Variants in SQSTM1 observed in about 807,000 individuals in gnomAD.
SQSTM1 encodes sequestosome 1.
In SQSTM1, 36 loss-of-function variants were observed where a neutral mutation model predicts 45.1. The observed-to-expected ratio is 0.80, with a 90% CI of 0.61 to 1.05. The LOEUF (loss-of-function observed/expected upper bound fraction) is 1.05, where lower values mean the gene tolerates loss of function less well. SQSTM1 is among the 50% of genes least tolerant of loss of function. The probability of loss-of-function intolerance (pLI) is 0.00; values close to 1 mark genes in which losing one functional copy is unlikely to be tolerated. For synonymous variants in SQSTM1, 290 were observed against 244.3 expected, an observed-to-expected ratio of 1.19 and a Z score of -1.74; for missense variants, 617 against 607.1, an observed-to-expected ratio of 1.02 and a Z score of -0.17.
rs926546897 is a variant in SQSTM1 at position 179,836,803 on chromosome 5, G to A, written c.*210G>A. 2.4e-5 allele frequency: 19 copies of A among 779,340 alleles called. No individual in the cohort carries two copies. Among genetic ancestry groups the A allele is most frequent in the Admixed American group, 1.5e-4 (7 of 46,632 alleles). 48.3% of individuals were successfully genotyped at this position (779,340 alleles called of 1,614,324 possible). On this transcript the variant is annotated 3_prime_UTR_variant, in exon 8 of 8. Transcript: ENST00000389805. ...TGTGCTGATGTTTCCTGGGTGCCCT[G>A]GCTCCTTGCAGCAGGGCTGGGCCTG...
At chr5:179,827,261 C>T (rs990949547) in intron 5 of SQSTM1, among the ~76,000 whole-genome samples, 6 of 152,184 alleles carry the variant, frequency 3.9e-5, no homozygotes, top group African/African-American at 7.2e-5. Flanking sequence ...CTGAACTGGA[C>T]GCCCCACTTG....
intron 1 of SQSTM1, among the ~76,000 whole-genome samples, chr5:179,811,051 G>A (rs1757379767): frequency 6.6e-6 from 1 of 152,136 alleles, no homozygotes; most frequent in Non-Finnish European, 1.5e-5. Context: ...GACCATCTTA[G>A]CTAACACGGT....
rs773735627 is a variant in SQSTM1, at chr5:179,824,392, G to A, written c.673+69G>A. The A allele has an allele frequency of 9.3e-6, 15 of 1,609,310 alleles. No homozygotes were observed. The East Asian group carries it at 3.1e-4, about 33-fold the overall frequency. ...CAGGCAGCCTGTGTGCAGGGCCCTT[G>A]TGCAAAGCGTGTGTGCAAGGCAAGA... On this transcript the variant is annotated intron_variant, in intron 4 of 7. Coordinates refer to ENST00000389805, the MANE Select transcript of SQSTM1 (RefSeq NM_003900.5).
chr5:179,832,400 G>A (rs772518254), intron 5 of SQSTM1, among the ~76,000 whole-genome samples: 2 of 152,244 alleles, frequency 1.3e-5, no homozygotes, highest in Non-Finnish European at 2.9e-5. Flanking sequence ...TCCCTGTGGG[G>A]CCAGCGTTGG....
At chr5:179,831,742 C>T (rs1437177905) in intron 5 of SQSTM1, among the ~76,000 whole-genome samples, 1 of 151,760 alleles carries the variant, frequency 6.6e-6, no homozygotes, top group Non-Finnish European at 1.5e-5. Flanking sequence ...GCTACTTGAC[C>T]CAGCAAAGAA....
upstream of SQSTM1, among the ~76,000 whole-genome samples, chr5:179,815,408 C>G (rs1009528885): frequency 1.3e-5 from 2 of 151,772 alleles, no homozygotes; most frequent in Non-Finnish European, 2.9e-5. Flanking sequence ...CAGAGCAAGA[C>G]TCTGTCTCGA....
Position 179,824,170 on chromosome 5 carries a change from T to C in SQSTM1, c.532-12T>C. 6.2e-7 allele frequency: 1 copy of C among 1,613,726 alleles called. No individual in the cohort carries two copies. Among genetic ancestry groups the C allele is most frequent in the African/African-American group, 1.3e-5 (1 of 75,062 alleles). On this transcript the variant is annotated splice_polypyrimidine_tract_variant and intron_variant, in intron 3 of 7. Coordinates refer to ENST00000389805, the MANE Select transcript of SQSTM1 (RefSeq NM_003900.5). ...CGCTCACTGCCTGCCGCTCTGCTAATTCCTCCCCCAGGGCTTCTCGCACAG... is the reference window on the plus strand; with the variant it reads ...CGCTCACTGCCTGCCGCTCTGCTAACTCCTCCCCCAGGGCTTCTCGCACAG...
At chr5:179,826,229 A>G (rs1184548586) in intron 5 of SQSTM1, among the ~76,000 whole-genome samples, 1 of 150,344 alleles carries the variant, frequency 6.7e-6, no homozygotes, top group Non-Finnish European at 1.5e-5. Flanking sequence ...CAGTGGTGCC[A>G]TCTCTGCTCA....
chr5:179,820,808 TGGCGGG>T, upstream of SQSTM1: 1 of 899,098 alleles, frequency 1.1e-6, no homozygotes, highest in Non-Finnish European at 1.5e-6. Context: ...GCGACGACGG[TGGCGGG>T]GGCGGGGAGG....
chr5:179,824,964 G>A (rs1036754986), intron 4 of SQSTM1, among the ~76,000 whole-genome samples, 182 bp from the exon 5 acceptor site: 11 of 152,066 alleles, frequency 7.2e-5, no homozygotes, highest in African/African-American at 2.2e-4. Flanking sequence ...GATGCTCTCT[G>A]TGCAGGGCCA....
intron 2 of SQSTM1, among the ~76,000 whole-genome samples, 161 bp downstream of exon 2, chr5:179,823,214 C>G (rs41285565): frequency 6.6e-6 from 1 of 151,844 alleles, no homozygotes; most frequent in Non-Finnish European, 1.5e-5. Flanking sequence ...GCCTGTAATT[C>G]CAGCACTTTG....
In SQSTM1 at chr5:179,837,337, G is replaced by A; in HGVS notation, c.*744G>A. 1.9e-6 allele frequency: 3 copies of A among 1,586,026 alleles called. No homozygotes were observed. Among genetic ancestry groups the A allele is most frequent in the Non-Finnish European group, 2.6e-6 (3 of 1,165,978 alleles). ...GAGTATCTTTAAAAGTGCCTTAGGG[G>A]AACCCTGTCCCTCCTAACAAGTGTA... On this transcript the variant is annotated 3_prime_UTR_variant, in exon 8 of 8. Coordinates refer to ENST00000389805, the MANE Select transcript of SQSTM1 (RefSeq NM_003900.5).
In SQSTM1 at chr5:179,806,542, G is replaced by A. The variant is rs538699566; in HGVS notation, c.-206G>A. On this transcript the variant is annotated 5_prime_UTR_variant, in exon 1 of 6. Transcript: ENST00000514093. This position sits in a 1 kb window ranked among gnomAD's most constrained non-coding sequence, Gnocchi z 4.6. ...ACAGCGAGAGGAAGGCGCACAGGCA[G>A]AAGAGCAGCAGCGTCAGGAAGGTGC... 1.2e-5 allele frequency: 16 copies of A among 1,334,690 alleles called. No individual in the cohort carries two copies. The highest frequency in any genetic ancestry group is 6.2e-5 in the African/African-American group (4 of 64,354). The allele number at this position is 1,334,690 out of a possible 1,614,324, so 82.7% of individuals were successfully genotyped here. A position where few individuals can be genotyped will look rare whatever the true frequency, so the allele number is the denominator to read the frequency against.
chr5:179,834,247 G>C (rs1050369984), intron 7 of SQSTM1, among the ~76,000 whole-genome samples: 1 of 108,010 alleles, frequency 9.3e-6, no homozygotes, highest in Non-Finnish European at 1.9e-5. Context: ...GGGGGGGTGG[G>C]GGGTGGGGAC....
At chr5:179,826,114 C>T (rs1431575086) in intron 5 of SQSTM1, among the ~76,000 whole-genome samples, 1 of 151,344 alleles carries the variant, frequency 6.6e-6, no homozygotes, top group East Asian at 1.9e-4. Context: ...ATGCCTGCTG[C>T]CTCCTGTGGC....
chr5:179,811,833 G>GT (rs1757416309), intron 2 of SQSTM1, among the ~76,000 whole-genome samples: 1 of 152,050 alleles, frequency 6.6e-6, no homozygotes, highest in African/African-American at 2.4e-5. Context: ...GGCGAACGGC[G>GT]GTTCTCTGTC....
chr5:179,821,655 G>A, intron 1 of SQSTM1: 4 of 401,520 alleles, frequency 1.0e-5, no homozygotes, highest in South Asian at 6.9e-5. Context: ...CGCGAGCGCC[G>A]CGACAGCGCC....
intron 5 of SQSTM1, among the ~76,000 whole-genome samples, chr5:179,831,490 C>T (rs900881674): frequency 5.9e-5 from 9 of 152,196 alleles, no homozygotes; most frequent in African/African-American, 1.7e-4. Flanking sequence ...GGTGAAACCC[C>T]GTCTCTACTA....
rs1486612052 is a variant in SQSTM1, at chr5:179,821,129, G to A, written c.193G>A (p.Ala65Thr). 3 of 1,363,780 alleles carry A rather than the reference G, an allele frequency of 2.2e-6. No individual in the cohort carries two copies. The highest frequency in any genetic ancestry group is 2.8e-6 in the Non-Finnish European group (3 of 1,063,336). The allele number at this position is 1,363,780 out of a possible 1,614,324, so 84.5% of individuals were successfully genotyped here. Residue 65 changes from alanine to threonine, a missense_variant, in exon 1 of 8, where the codon GCG (alanine) becomes ACG (threonine). Ala to Thr is a moderately conservative substitution (Grantham distance 58, BLOSUM62 0). Transcript: ENST00000389805. ...CGCGCTGCGGCCTGGCGGCTTCCAGGCGCACTACCGCGGTGAGCGGGCCGG... is the reference window on the plus strand; with the variant it reads ...CGCGCTGCGGCCTGGCGGCTTCCAGACGCACTACCGCGGTGAGCGGGCCGG... ...FPALRPGGFQ[A>T]HYRDEDGDLV...
Sources: allele counts gnomAD v4.1 joint callset (sites outside exome capture counted in the v4.1 genomes callset), GRCh38; gene constraint gnomAD v4.1.1; non-coding constraint Gnocchi (gnomAD v3.1); transcripts MANE v1.5; gene names NCBI Gene and HGNC (gene_info 2026-07-23, HGNC 2026-07-21).